The following CCDC88C variants were observed in gnomAD, a reference collection of about 807,000 sequenced individuals.
The protein encoded by CCDC88C is coiled-coil and HOOK domain protein 88C.
In CCDC88C, 131 loss-of-function variants were observed where a neutral mutation model predicts 198.8. That is an observed-to-expected ratio of 0.66 (90% CI 0.57 to 0.76). The LOEUF (loss-of-function observed/expected upper bound fraction) is 0.76, where lower values mean the gene tolerates loss of function less well. CCDC88C is among the 30% of genes least tolerant of loss of function. The pLI is 0.00. For missense variants in CCDC88C, 2,553 were observed against 2,631.6 expected (o/e 0.97, Z 0.65); for synonymous variants, 1,166 against 1,114.7 (o/e 1.05, Z -0.92).
Position 91,308,539 on chromosome 14 carries a change from C to T in CCDC88C, c.2865-47G>A, listed in dbSNP as rs80191028. 767 of 1,589,238 alleles carry T rather than the reference C, an allele frequency of 4.8e-4. 2 individuals are homozygous for T. In the African/African-American group the frequency reaches 7.1e-3, roughly 15 times the overall value. ...TAGTATCACTTATCTACTTCCTCTCCGCAAGTTCCCAGTGTCCTCGCTGCC... is the reference window on the plus strand; with the variant it reads ...TAGTATCACTTATCTACTTCCTCTCTGCAAGTTCCCAGTGTCCTCGCTGCC... On this transcript the variant is annotated intron_variant, in intron 16 of 29. Transcript: ENST00000389857.
chr14:91,373,534 CA>C (rs1344837417), intron 3 of CCDC88C, among the ~76,000 whole-genome samples: 2 of 152,196 alleles, frequency 1.3e-5, no homozygotes, highest in Non-Finnish European at 2.9e-5. Context: ...AAACAGACAG[CA>C]GAGCAGACAT....
intron 3 of CCDC88C, among the ~76,000 whole-genome samples, chr14:91,401,436 G>A (rs941870444): frequency 2.7e-4 from 41 of 150,880 alleles, no homozygotes; most frequent in East Asian, 1.7e-3. Context: ...CCAGGATCAC[G>A]CCATTCTCCT....
At chr14:91,344,362 C>G (rs759274922) in intron 4 of CCDC88C, among the ~76,000 whole-genome samples, 1 of 152,094 alleles carries the variant, frequency 6.6e-6, no homozygotes, top group African/African-American at 2.4e-5. Flanking sequence ...CAAACAGACA[C>G]GGGAGGACAG....
rs1894789121 is a variant in CCDC88C at position 91,371,343 on chromosome 14, T to A, written c.271-11632A>T. On this transcript the variant is annotated intron_variant, in intron 3 of 29. Transcript: ENST00000389857. The surrounding 1 kb of genome is among the most constrained non-coding windows in gnomAD (Gnocchi z 4.2). ...ATAAGCAAGAAAGGGGCAGAGAAAG[T>A]GTGGCCAGAGGAAACTACGGTATGC... 6.6e-6 allele frequency among the ~76,000 whole-genome samples: 1 copy of A among 151,756 alleles called. No individual in the cohort carries two copies. The highest frequency in any genetic ancestry group is 6.6e-5 in the Admixed American group (1 of 15,264).
At chr14:91,415,512 G>C (rs529030049) in intron 2 of CCDC88C, among the ~76,000 whole-genome samples, 46 of 152,230 alleles carry the variant, frequency 3.0e-4, no homozygotes, top group African/African-American at 1.1e-3. Context: ...ATCACCTGAG[G>C]TCGGGAGTTC....
At chr14:91,358,600 T>C (rs1014115138) in intron 4 of CCDC88C, among the ~76,000 whole-genome samples, 4 of 152,248 alleles carry the variant, frequency 2.6e-5, no homozygotes, top group African/African-American at 9.6e-5. Flanking sequence ...AAGGAAGTTA[T>C]CTGACAGGCA....
At chr14:91,398,353 C>G (rs562396759) in intron 3 of CCDC88C, among the ~76,000 whole-genome samples, 1 of 152,356 alleles carries the variant, frequency 6.6e-6, no homozygotes, top group Admixed American at 6.5e-5. Context: ...AGTTGAACCA[C>G]TGAGCTTGTA....
Position 91,273,518 on chromosome 14 carries a change from T to G in CCDC88C, c.5194A>C (p.Thr1732Pro). ...AKMPTNFVAP[T>P]VKMAAPTSEG... is the part of the protein sequence containing the mutation. Reference sequence around the variant, plus strand: ...GAGGTGGGGGCGGCCATTTTGACGGTGGGGGCCACAAAGTTGGTGGGCATC... The same window carrying G: ...GAGGTGGGGGCGGCCATTTTGACGGGGGGGGCCACAAAGTTGGTGGGCATC... Residue 1732 changes from threonine (T) to proline (P), a missense_variant, in exon 30 of 30, where the codon ACC (threonine) becomes CCC (proline). This residue lies in a region of CCDC88C where 1,293 missense variants were observed against 1,219.6 expected (regional missense o/e 1.06). Transcript: ENST00000389857. This position sits in a 1 kb window ranked among gnomAD's most constrained non-coding sequence, Gnocchi z 5.6. 1 of 1,537,058 alleles carries G rather than the reference T, an allele frequency of 6.5e-7. No individual in the cohort carries two copies. Among genetic ancestry groups the G allele is most frequent in the Non-Finnish European group, 8.8e-7 (1 of 1,141,608 alleles).
At chr14:91,398,118 C>G (rs1885960478) in intron 3 of CCDC88C, among the ~76,000 whole-genome samples, 1 of 152,236 alleles carries the variant, frequency 6.6e-6, no homozygotes, top group African/African-American at 2.4e-5. Context: ...TCCCATTCAT[C>G]TCTCAGCCTT....
At position 91,340,010 on chromosome 14, in the gene CCDC88C, T is replaced by C. The variant is rs751196045; in HGVS notation, c.498A>G (p.Gln166=). ...GCCACTGCAGGTCAAACACGTTCTC[T>C]TGGTTGTGAGTCACCTGTGGGCACA... is the stretch of plus-strand genomic sequence containing the variant. The part of the protein sequence containing the change: ...VAHIQEVTHN[Q]ENVFDLQWLE... The change falls in exon 7 of 30, where the codon CAA becomes CAG. Residue 166 remains glutamine (Q), a synonymous_variant. Transcript: ENST00000389857. The C allele has an allele frequency of 2.5e-6, 4 of 1,609,568 alleles. No homozygotes were observed. The highest frequency in any genetic ancestry group is 1.1e-5 in the South Asian group (1 of 89,806).
chr14:91,391,474 T>C (rs1257111578), intron 3 of CCDC88C, among the ~76,000 whole-genome samples: 1 of 152,196 alleles, frequency 6.6e-6, no homozygotes, highest in African/African-American at 2.4e-5. Context: ...TCTGTGTTTC[T>C]TGCTTTTTAA....
Position 91,401,892 on chromosome 14 carries a change from C to A in CCDC88C, c.270+6767G>T, listed in dbSNP as rs199844925. 9.8e-5 allele frequency among the ~76,000 whole-genome samples: 15 copies of A among 152,290 alleles called. No individual in the cohort carries two copies. The East Asian group carries it at 2.3e-3, about 24-fold the overall frequency. On this transcript the variant is annotated intron_variant, in intron 3 of 29. Coordinates refer to ENST00000389857, the MANE Select transcript of CCDC88C (RefSeq NM_001080414.4). The stretch of plus-strand genomic sequence containing the variant: ...CATCAAAGCAGTTAAGTGGACTAAA[C>A]CCTCTAGACCACACAAATGAAACAC...
chr14:91,403,136 G>A (rs912525790), intron 3 of CCDC88C, among the ~76,000 whole-genome samples: 5 of 152,166 alleles, frequency 3.3e-5, no homozygotes, highest in Admixed American at 2.6e-4. Context: ...GAGAGACGGC[G>A]GGACCCCAGC....
rs1160845402 is a variant in CCDC88C at position 91,339,861 on chromosome 14, G to C, written c.624+23C>G. On this transcript the variant is annotated intron_variant, in intron 7 of 29. Coordinates refer to ENST00000389857, the MANE Select transcript of CCDC88C (RefSeq NM_001080414.4). The surrounding 1 kb of genome is among the most constrained non-coding windows in gnomAD (Gnocchi z 5.8). ...GCCTAAGCCCCTTCCCAGGCTGACC[G>C]GGCCACCGACCCGCGGACGCACCTC... The C allele has an allele frequency of 8.3e-6, 13 of 1,565,968 alleles. No individual in the cohort carries two copies. The highest frequency in any genetic ancestry group is 1.0e-5 in the Non-Finnish European group (12 of 1,155,020).
Position 91,417,727 on chromosome 14 carries a change from C to T in CCDC88C, c.-37G>A, listed in dbSNP as rs762217965. The stretch of plus-strand genomic sequence containing the variant: ...GCCCGCCGGCTCCGCGCCCCCCGCC[C>T]CGCGTCCCCGTTCCCCCGCGCCGCG... On this transcript the variant is annotated 5_prime_UTR_variant, in exon 1 of 30. Coordinates refer to ENST00000389857, the MANE Select transcript of CCDC88C (RefSeq NM_001080414.4). 1 of 1,467,070 alleles carries T rather than the reference C, an allele frequency of 6.8e-7. No individual in the cohort carries two copies. The highest frequency in any genetic ancestry group is 9.0e-7 in the Non-Finnish European group (1 of 1,105,744). 90.9% of individuals were successfully genotyped at this position (1,467,070 alleles called of 1,614,324 possible). A position where few individuals can be genotyped will look rare whatever the true frequency, so the allele number is the denominator to read the frequency against.
intron 13 of CCDC88C, among the ~76,000 whole-genome samples, chr14:91,318,594 C>T (rs1892208587): frequency 6.6e-6 from 1 of 152,184 alleles, no homozygotes; most frequent in Non-Finnish European, 1.5e-5. Flanking sequence ...TGAGGGAACT[C>T]AAGGGACCAG....
At position 91,272,121 on chromosome 14, in the gene CCDC88C, G is replaced by A. The variant is rs963385208; in HGVS notation, c.*504C>T. On this transcript the variant is annotated 3_prime_UTR_variant, in exon 30 of 30. Transcript: ENST00000389857. Reference sequence around the variant, plus strand: ...TTTTTAACAGCAGGCCTGACTCTGGGGTCTGCCAGGCCCTGGAGACCTTTG... The same window carrying A: ...TTTTTAACAGCAGGCCTGACTCTGGAGTCTGCCAGGCCCTGGAGACCTTTG... 6.5e-6 allele frequency: 1 copy of A among 153,936 alleles called. No homozygotes were observed. The highest frequency in any genetic ancestry group is 1.4e-5 in the Non-Finnish European group (1 of 69,164). The allele number at this position is 153,936 out of a possible 1,614,324, so 9.5% of individuals were successfully genotyped here.
chr14:91,375,825 C>T (rs1237122244), intron 3 of CCDC88C, among the ~76,000 whole-genome samples: 1 of 152,222 alleles, frequency 6.6e-6, no homozygotes, highest in East Asian at 1.9e-4. Context: ...GCAAATGTCT[C>T]CTTCTGATCT....
At chr14:91,287,636 CTTTTTT>C (rs71120129) in intron 25 of CCDC88C, among the ~76,000 whole-genome samples, 159 of 75,638 alleles carry the variant, frequency 2.1e-3, no homozygotes, top group Middle Eastern at 0.011. Flanking sequence ...TGCACCAGGT[CTTTTTT>C]TTTTTTTTTT....
Sources: allele counts gnomAD v4.1 joint callset (sites outside exome capture counted in the v4.1 genomes callset), GRCh38; gene constraint gnomAD v4.1.1; regional missense constraint gnomAD v4.1.1; non-coding constraint Gnocchi (gnomAD v3.1); transcripts MANE v1.5; gene names NCBI Gene and HGNC (gene_info 2026-07-23, HGNC 2026-07-21).